MDM4: variants seen among roughly 807,000 people sequenced by gnomAD.
MDM4 encodes protein Mdm4.
A neutral mutation model predicts 60.2 loss-of-function variants in MDM4; 2 were observed. The observed-to-expected ratio is 0.03, with a 90% CI of 0.01 to 0.10. MDM4 has a LOEUF of 0.10. MDM4 is among the 10% of genes least tolerant of loss of function. The pLI is 1.00. For synonymous variants in MDM4, 202 were observed against 198.1 expected (o/e 1.02, Z -0.17); for missense variants, 447 against 577.5 (o/e 0.77, Z 2.32).
rs1242872664 is a variant in MDM4, at chr1:204,530,790, G to A, written c.260G>A (p.Arg87His). ...GATCTTTTGGGAGAACTACTGGGAC[G>A]TCAGAGCTTCTCCGTGAAAGACCCA... ...GGDLLGELLG[R>H]QSFSVKDPSP... Residue 87 changes from arginine (R) to histidine (H), a missense_variant, in exon 4 of 11, where the codon CGT (arginine) becomes CAT (histidine). Transcript: ENST00000367182. 6.8e-6 allele frequency: 11 copies of A among 1,613,852 alleles called. No individual in the cohort carries two copies. Among genetic ancestry groups the A allele is most frequent in the African/African-American group, 2.7e-5 (2 of 74,814 alleles).
In MDM4 at chr1:204,538,266, A is replaced by G. The variant is rs555716350; in HGVS notation, c.469A>G (p.Thr157Ala). 2 of 1,610,152 alleles carry G rather than the reference A, an allele frequency of 1.2e-6. No homozygotes were observed. The highest frequency in any genetic ancestry group is 1.7e-6 in the Non-Finnish European group (2 of 1,176,514). ...RKRTTEDDIP[T>A]LPTSEHKCIH... is the part of the protein sequence containing the mutation. ...AAGAACTACAGAAGACGATATCCCC[A>G]CACTGCCTACCTCAGAGCATAAATG... The change falls in exon 7 of 11, where the codon ACA (threonine) becomes GCA (alanine). Residue 157 changes from threonine to alanine, a missense_variant. This residue lies in a region of MDM4 where 184 missense variants were observed against 179.3 expected (regional missense o/e 1.03). Coordinates refer to ENST00000367182, the MANE Select transcript of MDM4 (RefSeq NM_002393.5).
In MDM4 at chr1:204,552,982, TCTC is replaced by T. The variant is rs1402404530; in HGVS notation, c.*3303_*3305del. ...CCTCTGCCTCCCGGGTTCAAATGATTCTCCTGCCTCAGCCTCCCAAGTAGCTGG... is the reference window on the plus strand; with the variant it reads ...CCTCTGCCTCCCGGGTTCAAATGATTCTGCCTCAGCCTCCCAAGTAGCTGG... On this transcript the variant is annotated 3_prime_UTR_variant, in exon 11 of 11. Coordinates refer to ENST00000367182, the MANE Select transcript of MDM4 (RefSeq NM_002393.5). 2 of 164,102 alleles carry T rather than the reference TCTC, an allele frequency of 1.2e-5. No individual in the cohort carries two copies. The highest frequency in any genetic ancestry group is 2.7e-5 in the Non-Finnish European group (2 of 75,124). 10.2% of individuals were successfully genotyped at this position (164,102 alleles called of 1,614,324 possible).
rs1315298820 is a variant in MDM4 at position 204,554,701 on chromosome 1, C to T, written c.*5019C>T. ...GTATCTGAGATAGTGGCTAATGTGG[C>T]TCCCCAGGCCTAATTTGGGAACAGT... On this transcript the variant is annotated 3_prime_UTR_variant, in exon 11 of 11. Coordinates refer to ENST00000367182, the MANE Select transcript of MDM4 (RefSeq NM_002393.5). The T allele has an allele frequency of 4.4e-6, 1 of 227,632 alleles. No homozygotes were observed. The highest frequency in any genetic ancestry group is 2.2e-5 in the African/African-American group (1 of 45,050). 14.1% of individuals were successfully genotyped at this position (227,632 alleles called of 1,614,324 possible).
At chr1:204,521,890 A>G (rs76476825) in intron 1 of MDM4, among the ~76,000 whole-genome samples, 2,660 of 152,274 alleles carry the variant, frequency 0.017, 82 homozygotes, top group African/African-American at 0.059. Flanking sequence ...TTGGTTGGTA[A>G]AAAGGTTGGT....
chr1:204,535,303 G>A lies in MDM4; in HGVS notation c.344-2127G>A, dbSNP rs192920480. ...CTCCTGAGTAGCTGGGACTACAGGC[G>A]CCCGCCATCATGCCTGGCTAATTTT... On this transcript the variant is annotated intron_variant, in intron 5 of 10. Coordinates refer to ENST00000367182, the MANE Select transcript of MDM4 (RefSeq NM_002393.5). Among the ~76,000 whole-genome samples, 1,103 of 151,588 alleles carry A rather than the reference G, an allele frequency of 7.3e-3. 7 individuals carry two copies. The highest frequency in any genetic ancestry group is 0.017 in the Middle Eastern group (5 of 294).
intron 10 of MDM4, 131 bp downstream of exon 10, chr1:204,547,008 G>T (rs1320232018): frequency 2.0e-6 from 1 of 508,166 alleles, no homozygotes; most frequent in Non-Finnish European, 3.5e-6. Flanking sequence ...GCTAAGTGAT[G>T]TTGGTTTCTT....
rs774353325 is a variant in MDM4, at chr1:204,537,284, C to T, written c.344-146C>T. 13 of 564,498 alleles carry T rather than the reference C, an allele frequency of 2.3e-5. No individual in the cohort carries two copies. The South Asian group carries it at 3.1e-4, about 13-fold the overall frequency. The allele number at this position is 564,498 out of a possible 1,614,324, so 35.0% of individuals were successfully genotyped here. ...TTTATCAATTTTGATTTTTCCCTTG[C>T]AAATGAGAGCTTTGTCCAGCCAACA... is the stretch of plus-strand genomic sequence containing the variant. On this transcript the variant is annotated intron_variant, in intron 5 of 10. Transcript: ENST00000367182.
Position 204,544,518 on chromosome 1 carries a change from TG to T in MDM4, c.673-16del, listed in dbSNP as rs1380480364. 3.1e-6 allele frequency: 5 copies of T among 1,590,808 alleles called. No individual in the cohort carries two copies. Among genetic ancestry groups the T allele is most frequent in the Non-Finnish European group, 4.3e-6 (5 of 1,165,120 alleles). ...ACCTCTGAATACAGAAACTCATGTT[TG>T]TTTTTTTTCTGTTAGGATGTGGGTA... is the stretch of plus-strand genomic sequence containing the variant. On this transcript the variant is annotated splice_polypyrimidine_tract_variant and intron_variant, in intron 8 of 10. Coordinates refer to ENST00000367182, the MANE Select transcript of MDM4 (RefSeq NM_002393.5).
rs1663187412 is a variant in MDM4 at position 204,551,419 on chromosome 1, A to C, written c.*1737A>C. 4.5e-6 allele frequency: 1 copy of C among 220,874 alleles called. No individual in the cohort carries two copies. The highest frequency in any genetic ancestry group is 2.4e-5 in the African/African-American group (1 of 41,878). The allele number at this position is 220,874 out of a possible 1,614,324, so 13.7% of individuals were successfully genotyped here. A position where few individuals can be genotyped will look rare whatever the true frequency, so the allele number is the denominator to read the frequency against. On this transcript the variant is annotated 3_prime_UTR_variant, in exon 11 of 11. Coordinates refer to ENST00000367182, the MANE Select transcript of MDM4 (RefSeq NM_002393.5). ...AGTGCCTCTGGAGCTGCTTACACCAAGGCAATACGCCTTGATATACTGGAT... is the reference window on the plus strand; with the variant it reads ...AGTGCCTCTGGAGCTGCTTACACCACGGCAATACGCCTTGATATACTGGAT...
intron 7 of MDM4, among the ~76,000 whole-genome samples, chr1:204,541,261 C>T (rs1662046011): frequency 6.6e-6 from 1 of 152,046 alleles, no homozygotes; most frequent in African/African-American, 2.4e-5. Context: ...GAGTTCGAGA[C>T]CAGCTTGGGT....
chr1:204,525,617 C>G (rs2102315117), intron 2 of MDM4, 21 bp downstream of exon 2: 1 of 1,449,728 alleles, frequency 6.9e-7, no homozygotes, highest in Admixed American at 2.1e-5. Context: ...TTCGGTATTT[C>G]TAGTTTTTTG....
intron 6 of MDM4, chr1:204,537,996 T>C (rs1661591848): frequency 2.6e-6 from 2 of 757,092 alleles, no homozygotes; most frequent in Non-Finnish European, 5.0e-6. Context: ...GCAGAGGTTT[T>C]TTTTCCCCCC....
chr1:204,528,601 G>A (rs761181885), intron 3 of MDM4, among the ~76,000 whole-genome samples: 12 of 152,142 alleles, frequency 7.9e-5, no homozygotes, highest in Non-Finnish European at 1.6e-4. Context: ...CATGGCCGTC[G>A]GGACATTCAG....
chr1:204,532,438 G>T, intron 5 of MDM4, 192 bp downstream of exon 5: 1 of 571,756 alleles, frequency 1.7e-6, no homozygotes, highest in South Asian at 2.4e-5. Flanking sequence ...AGAGTAGAAG[G>T]ATTTCCACTT....
chr1:204,556,221 C>CT lies in MDM4; in HGVS notation c.*6542dup, dbSNP rs1663529776. On this transcript the variant is annotated 3_prime_UTR_variant, in exon 11 of 11. Transcript: ENST00000367182. Reference sequence around the variant, plus strand: ...TTATCAGCCCTTGTAACTACAGTATCTTTAGATAAGATTCCTCTTTCCAGT... The same window carrying CT: ...TTATCAGCCCTTGTAACTACAGTATCTTTTAGATAAGATTCCTCTTTCCAGT... 2 of 225,706 alleles carry CT rather than the reference C, an allele frequency of 8.9e-6. No homozygotes were observed. Among genetic ancestry groups the CT allele is most frequent in the Non-Finnish European group, 1.8e-5 (2 of 113,378 alleles). The allele number at this position is 225,706 out of a possible 1,614,324, so 14.0% of individuals were successfully genotyped here. A position where few individuals can be genotyped will look rare whatever the true frequency, so the allele number is the denominator to read the frequency against.
At chr1:204,521,157 A>C (rs1376533726) in intron 1 of MDM4, among the ~76,000 whole-genome samples, 2 of 152,224 alleles carry the variant, frequency 1.3e-5, no homozygotes, top group Non-Finnish European at 2.9e-5. Flanking sequence ...TTTGGTATTA[A>C]ATGGGTTTAT....
Position 204,532,673 on chromosome 1 carries a change from A to C in MDM4, c.343+427A>C. The C allele has an allele frequency of 2.5e-5, 32 of 1,293,610 alleles. No individual in the cohort carries two copies. In the South Asian group the frequency reaches 4.3e-4, roughly 17 times the overall value. The allele number at this position is 1,293,610 out of a possible 1,614,324, so 80.1% of individuals were successfully genotyped here. On this transcript the variant is annotated intron_variant, in intron 5 of 10. Coordinates refer to ENST00000367182, the MANE Select transcript of MDM4 (RefSeq NM_002393.5). ...TTGTCTTACTTGAATTAGGATCCAA[A>C]GTCCACACATTGCCTTTGGTTGATA... is the stretch of plus-strand genomic sequence containing the variant.
In MDM4 at chr1:204,556,197, T is replaced by G. The variant is rs1212144228; in HGVS notation, c.*6515T>G. 2 of 225,672 alleles carry G rather than the reference T, an allele frequency of 8.9e-6. No individual in the cohort carries two copies. The highest frequency in any genetic ancestry group is 4.4e-5 in the African/African-American group (2 of 44,964). The allele number at this position is 225,672 out of a possible 1,614,324, so 14.0% of individuals were successfully genotyped here. A position where few individuals can be genotyped will look rare whatever the true frequency, so the allele number is the denominator to read the frequency against. On this transcript the variant is annotated 3_prime_UTR_variant, in exon 11 of 11. Coordinates refer to ENST00000367182, the MANE Select transcript of MDM4 (RefSeq NM_002393.5). ...ATATTGCTTTTATACCAAAGACCCTTATCAGCCCTTGTAACTACAGTATCT... is the reference window on the plus strand; with the variant it reads ...ATATTGCTTTTATACCAAAGACCCTGATCAGCCCTTGTAACTACAGTATCT...
In MDM4 at chr1:204,555,836, A is replaced by T. The variant is rs1271381982; in HGVS notation, c.*6154A>T. ...GCCGAGACTGCACCACTGCGCTCCCACCTGGGTGACAGAGACTCTGTCTCA... is the reference window on the plus strand; with the variant it reads ...GCCGAGACTGCACCACTGCGCTCCCTCCTGGGTGACAGAGACTCTGTCTCA... On this transcript the variant is annotated 3_prime_UTR_variant, in exon 11 of 11. Coordinates refer to ENST00000367182, the MANE Select transcript of MDM4 (RefSeq NM_002393.5). The T allele has an allele frequency of 5.5e-6, 1 of 183,256 alleles. No individual in the cohort carries two copies. Among genetic ancestry groups the T allele is most frequent in the African/African-American group, 2.4e-5 (1 of 42,538 alleles). The allele number at this position is 183,256 out of a possible 1,614,324, so 11.4% of individuals were successfully genotyped here. A position where few individuals can be genotyped will look rare whatever the true frequency, so the allele number is the denominator to read the frequency against.
Sources: allele counts gnomAD v4.1 joint callset (sites outside exome capture counted in the v4.1 genomes callset), GRCh38; gene constraint gnomAD v4.1.1; regional missense constraint gnomAD v4.1.1; transcripts MANE v1.5; gene names NCBI Gene and HGNC (gene_info 2026-07-23, HGNC 2026-07-21).